FLVCR1: variants seen among roughly 807,000 people sequenced by gnomAD.
FLVCR1 encodes FLVCR choline and heme transporter 1, also known as choline/ethanolamine transporter FLVCR1.
FLVCR1 carries 34 observed loss-of-function variants against 53.6 expected under a neutral mutation model. That is an observed-to-expected ratio of 0.63 (90% CI 0.48 to 0.84). The LOEUF is 0.84. Ranked by LOEUF, FLVCR1 falls within the 40% of genes least tolerant of loss-of-function variation. The pLI is 0.00. For synonymous variants in FLVCR1, 300 were observed against 286.3 expected (o/e 1.05, Z -0.48); for missense variants, 677 against 696.7 (o/e 0.97, Z 0.32).
chr1:212,891,545 A>G lies in FLVCR1; in HGVS notation c.1525+2288A>G, dbSNP rs145656891. On this transcript the variant is annotated intron_variant, in intron 8 of 9. Transcript: ENST00000366971. ...GAGATTCATGAATACTAATTCAAACAAATCAAGTCTAGAAAATTAAGAAGT... is the reference window on the plus strand; with the variant it reads ...GAGATTCATGAATACTAATTCAAACGAATCAAGTCTAGAAAATTAAGAAGT... Among the ~76,000 whole-genome samples, 836 of 152,368 alleles carry G rather than the reference A, an allele frequency of 5.5e-3. 9 individuals carry two copies. The highest frequency in any genetic ancestry group is 0.019 in the African/African-American group (796 of 41,584).
At chr1:212,869,466 T>G (rs994422867) in intron 2 of FLVCR1, among the ~76,000 whole-genome samples, 2 of 152,254 alleles carry the variant, frequency 1.3e-5, no homozygotes, top group African/African-American at 4.8e-5. Flanking sequence ...AAAGATAGTT[T>G]GACTTCCTGA....
rs1204473345 is a variant in FLVCR1, at chr1:212,858,518, C to A, written c.66C>A (p.Tyr22Ter). ...VAPGHPLAKG[Y>*]LPLPRGAPVG... The stretch of plus-strand genomic sequence containing the variant: ...CCGGACACCCGCTCGCGAAAGGATA[C>A]CTCCCGTTGCCGAGGGGCGCGCCCG... The change falls in exon 1 of 10, where the codon TAC (tyrosine) becomes TAA (stop). Residue 22 changes from tyrosine to a stop codon, truncating the protein, a stop_gained. Coordinates refer to ENST00000366971, the MANE Select transcript of FLVCR1 (RefSeq NM_014053.4). LOFTEE classifies it high-confidence loss of function. 1.4e-6 allele frequency: 2 copies of A among 1,458,386 alleles called. No individual in the cohort carries two copies. The highest frequency in any genetic ancestry group is 1.8e-6 in the Non-Finnish European group (2 of 1,107,878). 90.3% of individuals were successfully genotyped at this position (1,458,386 alleles called of 1,614,324 possible).
At position 212,885,482 on chromosome 1, in the gene FLVCR1, A is replaced by G. The variant is rs112735476; in HGVS notation, c.1196+86A>G. ...ATTTGCTTTTTATTTCAAGAAATTTAAAACATGTTATTACTTAAAGATACG... is the reference window on the plus strand; with the variant it reads ...ATTTGCTTTTTATTTCAAGAAATTTGAAACATGTTATTACTTAAAGATACG... On this transcript the variant is annotated intron_variant, in intron 5 of 9. Transcript: ENST00000366971. 2,900 of 978,562 alleles carry G rather than the reference A, an allele frequency of 3.0e-3. 8 individuals are homozygous for G. The highest frequency in any genetic ancestry group is 4.1e-3 in the Non-Finnish European group (2,493 of 611,026). The allele number at this position is 978,562 out of a possible 1,614,324, so 60.6% of individuals were successfully genotyped here.
chr1:212,892,988 G>A (rs914567005), intron 8 of FLVCR1, among the ~76,000 whole-genome samples: 2 of 151,918 alleles, frequency 1.3e-5, no homozygotes, highest in African/African-American at 2.4e-5. Flanking sequence ...GGAATTAGAA[G>A]TGGAATATGA....
chr1:212,870,029 GAA>G (rs1306877904), intron 2 of FLVCR1: 1 of 152,178 alleles, frequency 6.6e-6, no homozygotes, highest in Non-Finnish European at 1.5e-5. Flanking sequence ...ATCTTAGTAA[GAA>G]GAGATATTTC....
At chr1:212,888,623 A>G in intron 7 of FLVCR1, 29 bp downstream of exon 7, 2 of 1,333,582 alleles carry the variant, frequency 1.5e-6, no homozygotes, top group Non-Finnish European at 2.2e-6. Context: ...TAAACCTGAG[A>G]TGATTATTAT....
chr1:212,888,645 TAGTG>T (rs754951561), intron 7 of FLVCR1, 51 bp downstream of exon 7: 4 of 1,214,448 alleles, frequency 3.3e-6, no homozygotes, highest in Non-Finnish European at 4.9e-6. Context: ...CCAGATATTC[TAGTG>T]AGTAATGAGT....
chr1:212,892,570 C>T (rs1400465149), intron 8 of FLVCR1, among the ~76,000 whole-genome samples: 1 of 152,164 alleles, frequency 6.6e-6, no homozygotes, highest in Non-Finnish European at 1.5e-5. Flanking sequence ...AATACTACTG[C>T]TCATTGACCA....
intron 3 of FLVCR1, among the ~76,000 whole-genome samples, chr1:212,882,302 A>G (rs977917842): frequency 6.6e-6 from 1 of 152,236 alleles, no homozygotes; most frequent in Non-Finnish European, 1.5e-5. Context: ...TGTACAACAG[A>G]AAACTAATGA....
At chr1:212,882,249 G>A (rs1336816300) in intron 3 of FLVCR1, among the ~76,000 whole-genome samples, 1 of 152,136 alleles carries the variant, frequency 6.6e-6, no homozygotes, top group Non-Finnish European at 1.5e-5. Flanking sequence ...TCTATTGACA[G>A]GACGAGATAA....
intron 3 of FLVCR1, among the ~76,000 whole-genome samples, chr1:212,878,291 A>G (rs1664821038): frequency 1.3e-5 from 2 of 152,170 alleles, no homozygotes. Flanking sequence ...TCACGAGGTC[A>G]GGAGATCGAG....
At chr1:212,877,654 A>G (rs1263263448) in intron 3 of FLVCR1, among the ~76,000 whole-genome samples, 1 of 142,348 alleles carries the variant, frequency 7.0e-6, no homozygotes, top group Non-Finnish European at 1.5e-5. Flanking sequence ...ATTTTCTCCC[A>G]TTCTGTAAGT....
Position 212,889,208 on chromosome 1 carries a change from A to G in FLVCR1, c.1476A>G (p.Ala492=), listed in dbSNP as rs1665130159. Residue 492 remains alanine, a synonymous_variant, in exon 8 of 10, where the codon GCA becomes GCG. Coordinates refer to ENST00000366971, the MANE Select transcript of FLVCR1 (RefSeq NM_014053.4). ...GKLTSDYGPK[A]GNIFLCVWMF... ...TCACATCAGACTATGGTCCTAAGGC[A>G]GGGAACATTTTTCTCTGTGTCTGGA... is the stretch of plus-strand genomic sequence containing the variant. 2 of 1,613,880 alleles carry G rather than the reference A, an allele frequency of 1.2e-6. No individual in the cohort carries two copies. Among genetic ancestry groups the G allele is most frequent in the Non-Finnish European group, 1.7e-6 (2 of 1,179,902 alleles).
At chr1:212,882,521 A>G (rs1430392051) in intron 3 of FLVCR1, among the ~76,000 whole-genome samples, 1 of 152,196 alleles carries the variant, frequency 6.6e-6, no homozygotes, top group African/African-American at 2.4e-5. Context: ...GATTGGGAAA[A>G]GTCTGAAAAA....
At chr1:212,886,783 CAG>C (rs1028835814) in intron 5 of FLVCR1, among the ~76,000 whole-genome samples, 1 of 151,652 alleles carries the variant, frequency 6.6e-6, no homozygotes, top group African/African-American at 2.4e-5. Flanking sequence ...GCCTGGGTGA[CAG>C]AGCAAGACGC....
intron 8 of FLVCR1, 60 bp from the exon 9 acceptor site, chr1:212,894,926 T>TTTTTAAAA: frequency 8.9e-7 from 1 of 1,122,754 alleles, no homozygotes; most frequent in East Asian, 2.3e-5. Context: ...GACTTTGAGC[T>TTTTTAAAA]GCTTTTTAAA....
chr1:212,889,106 TTTAAC>T (rs1449320759), intron 7 of FLVCR1, 35 bp from the exon 8 acceptor site: 13 of 1,366,324 alleles, frequency 9.5e-6, no homozygotes, highest in African/African-American at 4.3e-5. Context: ...CTTTAAATAA[TTTAAC>T]TTAATAACGA....
Position 212,895,350 on chromosome 1 carries a change from G to C in FLVCR1, c.*60G>C, listed in dbSNP as rs1428232248. On this transcript the variant is annotated 3_prime_UTR_variant, in exon 10 of 10. Coordinates refer to ENST00000366971, the MANE Select transcript of FLVCR1 (RefSeq NM_014053.4). ...GGGACAATGTGATCATCCTTGGAGA[G>C]AGATGTGAGCACCAAGGCTGGGTTT... 4 of 1,287,016 alleles carry C rather than the reference G, an allele frequency of 3.1e-6. No individual in the cohort carries two copies. The African/African-American group carries it at 4.3e-5, about 14-fold the overall frequency. 79.7% of individuals were successfully genotyped at this position (1,287,016 alleles called of 1,614,324 possible).
At chr1:212,875,392 C>T (rs1159951689) in intron 3 of FLVCR1, among the ~76,000 whole-genome samples, 1 of 152,182 alleles carries the variant, frequency 6.6e-6, no homozygotes, top group Non-Finnish European at 1.5e-5. Flanking sequence ...GGGAGAGTCT[C>T]ACAGAAGGGA....
Sources: allele counts gnomAD v4.1 joint callset (sites outside exome capture counted in the v4.1 genomes callset), GRCh38; gene constraint gnomAD v4.1.1; transcripts MANE v1.5; gene names NCBI Gene and HGNC (gene_info 2026-07-23, HGNC 2026-07-21).